Variants in CLSTN2 observed in about 807,000 individuals in gnomAD.
CLSTN2 encodes the protein calsyntenin-2.
CLSTN2 carries 48 observed loss-of-function variants against 101.2 expected under a neutral mutation model. The ratio of observed to expected loss-of-function variants is 0.47; its 90% CI spans 0.38 to 0.60. CLSTN2 has a LOEUF of 0.60. CLSTN2 is among the 20% of genes least tolerant of loss of function. The pLI is 0.00. For missense variants in CLSTN2, 1,160 were observed against 1,238.2 expected (o/e 0.94, Z 0.95); for synonymous variants, 481 against 463.6 (o/e 1.04, Z -0.48).
intron 1 of CLSTN2, among the ~76,000 whole-genome samples, chr3:139,964,135 TA>T (rs1935555209): frequency 6.6e-6 from 1 of 152,200 alleles, no homozygotes; most frequent in South Asian, 2.1e-4. Flanking sequence ...AAAATGTAAT[TA>T]GTATTTATAT....
intron 1 of CLSTN2, among the ~76,000 whole-genome samples, chr3:140,032,552 G>C (rs1228204115): frequency 6.6e-6 from 1 of 152,080 alleles, no homozygotes; most frequent in Non-Finnish European, 1.5e-5. Context: ...GGCCAGGCTG[G>C]TCTCGAACTC....
intron 2 of CLSTN2, among the ~76,000 whole-genome samples, chr3:140,238,897 T>C (rs1022849058): frequency 9.2e-5 from 14 of 152,190 alleles, no homozygotes; most frequent in African/African-American, 3.1e-4. Context: ...AGAAGAGATT[T>C]GAATTCCAGG....
At chr3:140,415,486 C>CA (rs751616049) in intron 4 of CLSTN2, among the ~76,000 whole-genome samples, 2,423 of 56,880 alleles carry the variant, frequency 0.043, 66 homozygotes, top group East Asian at 0.087. Flanking sequence ...CACAAAATAG[C>CA]AAAAAAAAAA....
chr3:140,567,347 C>T lies in CLSTN2; in HGVS notation c.*1094C>T, dbSNP rs1985302961. ...TCTGCATGTATTAGAAACGCACGAG[C>T]TCCACCAAGTCTACAATGAAAGTTT... On this transcript the variant is annotated 3_prime_UTR_variant, in exon 17 of 17. Coordinates refer to ENST00000458420, the MANE Select transcript of CLSTN2 (RefSeq NM_022131.3). The T allele has an allele frequency of 6.6e-6, 1 of 152,118 alleles. No individual in the cohort carries two copies. Among genetic ancestry groups the T allele is most frequent in the Non-Finnish European group, 1.5e-5 (1 of 68,024 alleles). The allele number at this position is 152,118 out of a possible 1,614,324, so 9.4% of individuals were successfully genotyped here.
intron 1 of CLSTN2, among the ~76,000 whole-genome samples, chr3:140,074,506 T>G (rs527656988): frequency 1.3e-5 from 2 of 152,222 alleles, no homozygotes; most frequent in Non-Finnish European, 2.9e-5. Context: ...TTCACAGAAG[T>G]GCAGTTCTGG....
At chr3:140,069,685 C>T (rs772754990) in intron 1 of CLSTN2, among the ~76,000 whole-genome samples, 3 of 152,114 alleles carry the variant, frequency 2.0e-5, no homozygotes, top group Non-Finnish European at 2.9e-5. Context: ...TCCCTTATAG[C>T]GCATGTTGGC....
At chr3:140,489,116 G>T (rs1040617939) in intron 8 of CLSTN2, among the ~76,000 whole-genome samples, 2 of 152,160 alleles carry the variant, frequency 1.3e-5, no homozygotes, top group East Asian at 3.8e-4. Flanking sequence ...GAGAGGTGAA[G>T]ACTGTAAAAG....
In CLSTN2 at chr3:140,389,384, T is replaced by C. The variant is rs189857251; in HGVS notation, c.233-14245T>C. Among the ~76,000 whole-genome samples, 17 of 152,300 alleles carry C rather than the reference T, an allele frequency of 1.1e-4. No individual in the cohort carries two copies. In the East Asian group the frequency reaches 2.3e-3, roughly 21 times the overall value. On this transcript the variant is annotated intron_variant, in intron 2 of 16. Transcript: ENST00000458420. ...GCTCCCACTTATAAGTGAGAACATA[T>C]GGTGTTTGGTTTTGTGTTCCTGTGT...
At chr3:140,348,003 A>G (rs140917435) in intron 2 of CLSTN2, among the ~76,000 whole-genome samples, 28 of 152,314 alleles carry the variant, frequency 1.8e-4, no homozygotes, top group African/African-American at 6.5e-4. Context: ...AATGTTATTG[A>G]TTATCACTTG....
At chr3:140,084,198 C>T (rs959121318) in intron 1 of CLSTN2, among the ~76,000 whole-genome samples, 1 of 152,122 alleles carries the variant, frequency 6.6e-6, no homozygotes, top group African/African-American at 2.4e-5. Context: ...CCCGTGTGCC[C>T]TCCTGAGAGG....
intron 7 of CLSTN2, among the ~76,000 whole-genome samples, chr3:140,461,714 A>T (rs1933566799): frequency 6.6e-6 from 1 of 152,096 alleles, no homozygotes; most frequent in Non-Finnish European, 1.5e-5. Flanking sequence ...ATCTTGGAGG[A>T]GCCTAATGGG....
chr3:140,533,898 A>G (rs1292399460), intron 9 of CLSTN2, among the ~76,000 whole-genome samples: 1 of 152,084 alleles, frequency 6.6e-6, no homozygotes, highest in African/African-American at 2.4e-5. Context: ...CAGGAAGGAG[A>G]TAAGGTATAA....
At chr3:140,561,263 T>C (rs1246533375) in intron 12 of CLSTN2, among the ~76,000 whole-genome samples, 1 of 152,166 alleles carries the variant, frequency 6.6e-6, no homozygotes. Context: ...ATGGGGATAG[T>C]AATAGTACCC....
chr3:140,488,743 C>CTT (rs1934285662), intron 8 of CLSTN2, among the ~76,000 whole-genome samples: 1 of 135,184 alleles, frequency 7.4e-6, no homozygotes, highest in Admixed American at 8.5e-5. Flanking sequence ...GCAAACAGAA[C>CTT]TGACAAACAG....
chr3:140,044,596 C>A (rs980791269), intron 1 of CLSTN2, among the ~76,000 whole-genome samples: 1 of 152,146 alleles, frequency 6.6e-6, no homozygotes, highest in African/African-American at 2.4e-5. Flanking sequence ...GAGGGCATCC[C>A]TGTCTTGTGG....
intron 1 of CLSTN2, among the ~76,000 whole-genome samples, chr3:140,014,064 G>A (rs142429085): frequency 5.1e-4 from 78 of 152,236 alleles, no homozygotes; most frequent in African/African-American, 1.8e-3. Flanking sequence ...CAATTCCATA[G>A]CCAAGAGGAC....
rs962424684 is a variant in CLSTN2, at chr3:140,125,208, A to C, written c.110-50743A>C. Among the ~76,000 whole-genome samples, 3 of 152,126 alleles carry C rather than the reference A, an allele frequency of 2.0e-5. No homozygotes were observed. In the South Asian group the frequency reaches 6.2e-4, roughly 32 times the overall value. On this transcript the variant is annotated intron_variant, in intron 1 of 16. Transcript: ENST00000458420. ...ACTCTTTTGAGAAAGGTTGCAGTGA[A>C]TAGGAGCATGAGAATGGGGTAATTG...
chr3:140,491,622 G>A (rs1043620102), intron 8 of CLSTN2, among the ~76,000 whole-genome samples: 2 of 152,224 alleles, frequency 1.3e-5, no homozygotes, highest in Non-Finnish European at 2.9e-5. Context: ...AGAAGTTGGA[G>A]ATCAGCCTGG....
At chr3:140,204,098 C>T (rs959156598) in intron 2 of CLSTN2, among the ~76,000 whole-genome samples, 1 of 152,232 alleles carries the variant, frequency 6.6e-6, no homozygotes, top group Non-Finnish European at 1.5e-5. Flanking sequence ...ATTCCTGCTT[C>T]ACCATTTTCT....
Sources: gnomAD v4.1 joint callset for allele counts (sites outside exome capture counted in the v4.1 genomes callset) on GRCh38, gnomAD v4.1.1 for gene constraint, MANE v1.5 for transcripts, NCBI Gene and HGNC (gene_info 2026-07-23, HGNC 2026-07-21) for gene names.